RAB10: variants seen among roughly 807,000 people sequenced by gnomAD.
RAB10 encodes ras-related protein Rab-10.
Under a neutral mutation model 25.7 loss-of-function variants are expected in RAB10, and 5 were observed. The ratio of observed to expected loss-of-function variants is 0.19; its 90% CI spans 0.10 to 0.41. RAB10 has a LOEUF of 0.41. RAB10 is among the 10% of genes least tolerant of loss of function. RAB10 has a pLI of 1.00. For missense variants in RAB10, 103 were observed against 245.8 expected, an observed-to-expected ratio of 0.42 and a Z score of 3.89; for synonymous variants, 89 against 86.4, an observed-to-expected ratio of 1.03 and a Z score of -0.16.
intron 1 of RAB10, among the ~76,000 whole-genome samples, chr2:26,063,418 A>G (rs1666450709): frequency 8.6e-6 from 1 of 116,914 alleles, no homozygotes; most frequent in African/African-American, 3.1e-5. Context: ...GCTCACTCAC[A>G]TTCTTTATGT....
chr2:26,050,930 C>T (rs1261553349), intron 1 of RAB10, among the ~76,000 whole-genome samples: 2 of 151,186 alleles, frequency 1.3e-5, no homozygotes, highest in Non-Finnish European at 2.9e-5. Flanking sequence ...TTTGACTTTT[C>T]TTTTTAGAGA....
intron 4 of RAB10, 126 bp downstream of exon 4, chr2:26,127,359 G>T: frequency 1.4e-6 from 1 of 718,098 alleles, no homozygotes; most frequent in South Asian, 2.2e-5. Flanking sequence ...AATGCTTGTT[G>T]GAAATAATAT....
chr2:26,070,765 T>C (rs1666607194), intron 1 of RAB10, among the ~76,000 whole-genome samples: 1 of 152,224 alleles, frequency 6.6e-6, no homozygotes, highest in East Asian at 1.9e-4. Context: ...AAGGAGCAAA[T>C]GAATACATAA....
chr2:26,036,430 G>GA (rs1665765112), intron 1 of RAB10, among the ~76,000 whole-genome samples: 5 of 152,194 alleles, frequency 3.3e-5, no homozygotes, highest in Non-Finnish European at 5.9e-5. Context: ...GGAGGCCTTG[G>GA]CGGGCGGATC....
chr2:26,079,060 A>G (rs4665303), intron 1 of RAB10, among the ~76,000 whole-genome samples: 116,971 of 151,776 alleles, frequency 0.77, 45,117 homozygotes, highest in East Asian at 0.87. Context: ...GGTGGTGCCC[A>G]CCTGTAGTCC....
At chr2:26,065,930 G>A (rs1461320470) in intron 1 of RAB10, among the ~76,000 whole-genome samples, 1 of 152,050 alleles carries the variant, frequency 6.6e-6, no homozygotes, top group Non-Finnish European at 1.5e-5. Context: ...TTTTAGCTTA[G>A]TGGGAATATT....
chr2:26,096,795 CATTTT>C (rs1667227700), intron 1 of RAB10, among the ~76,000 whole-genome samples: 1 of 152,196 alleles, frequency 6.6e-6, no homozygotes, highest in African/African-American at 2.4e-5. Context: ...TTGATATTCT[CATTTT>C]AATTCATTTC....
At chr2:26,098,109 C>CTTTTTTTTTTTTTT (rs57174956) in intron 1 of RAB10, among the ~76,000 whole-genome samples, 4 of 52,724 alleles carry the variant, frequency 7.6e-5, no homozygotes, top group African/African-American at 3.1e-4. Flanking sequence ...TTCTTTCTTT[C>CTTTTTTTTTTTTTT]TTTTTTTTTT....
intron 1 of RAB10, among the ~76,000 whole-genome samples, chr2:26,069,043 A>G (rs1666571704): frequency 6.6e-6 from 1 of 152,180 alleles, no homozygotes; most frequent in East Asian, 1.9e-4. Context: ...TCACATATAT[A>G]TTCTTAATTT....
At chr2:26,038,413 C>A (rs1665812410) in intron 1 of RAB10, among the ~76,000 whole-genome samples, 4 of 151,730 alleles carry the variant, frequency 2.6e-5, no homozygotes, top group Admixed American at 2.6e-4. Context: ...TCAGGCTGCT[C>A]TTGAACTCCT....
At chr2:26,072,747 G>T (rs1013938583) in intron 1 of RAB10, among the ~76,000 whole-genome samples, 1 of 152,158 alleles carries the variant, frequency 6.6e-6, no homozygotes, top group Non-Finnish European at 1.5e-5. Flanking sequence ...GCAGAAGCAG[G>T]TATAATCCAA....
intron 1 of RAB10, among the ~76,000 whole-genome samples, chr2:26,070,877 T>G (rs1666610643): frequency 6.6e-6 from 1 of 152,210 alleles, no homozygotes; most frequent in Non-Finnish European, 1.5e-5. Flanking sequence ...CTAGGGAGTT[T>G]TTTTGACCAG....
chr2:26,048,726 T>C (rs180689428), intron 1 of RAB10, among the ~76,000 whole-genome samples: 5 of 152,064 alleles, frequency 3.3e-5, no homozygotes, highest in Admixed American at 3.3e-4. Context: ...AAGAAAAAAA[T>C]TAGCTGGATG....
At chr2:26,042,975 T>A (rs1332133733) in intron 1 of RAB10, among the ~76,000 whole-genome samples, 1 of 152,076 alleles carries the variant, frequency 6.6e-6, no homozygotes, top group Non-Finnish European at 1.5e-5. Context: ...GTGATGAGGT[T>A]GTAGAGAAAT....
chr2:26,079,938 A>T (rs1666832164), intron 1 of RAB10, among the ~76,000 whole-genome samples: 1 of 152,108 alleles, frequency 6.6e-6, no homozygotes, highest in Non-Finnish European at 1.5e-5. Flanking sequence ...GGGATTATAG[A>T]TGTGAGCCAC....
Position 26,127,962 on chromosome 2 carries a change from G to C in RAB10, c.519+11G>C. 1 of 1,554,240 alleles carries C rather than the reference G, an allele frequency of 6.4e-7. No individual in the cohort carries two copies. The highest frequency in any genetic ancestry group is 8.9e-7 in the Non-Finnish European group (1 of 1,125,626). On this transcript the variant is annotated intron_variant, in intron 5 of 5. Transcript: ENST00000264710. The stretch of plus-strand genomic sequence containing the variant: ...GATATCCTTCGAAAGGTAAGTTCCT[G>C]TTTTTATATCCTGCCAGGTACCTGA...
intron 1 of RAB10, among the ~76,000 whole-genome samples, chr2:26,097,231 A>G (rs1436535735): frequency 6.6e-6 from 1 of 152,080 alleles, no homozygotes; most frequent in African/African-American, 2.4e-5. Context: ...AAACAAACAA[A>G]AAACCAGAAA....
chr2:26,110,579 CTTTA>C (rs1667550366), intron 3 of RAB10, among the ~76,000 whole-genome samples: 2 of 152,170 alleles, frequency 1.3e-5, no homozygotes, highest in South Asian at 4.1e-4. Context: ...TTTTTTAAAA[CTTTA>C]TTTTTCATGT....
intron 1 of RAB10, among the ~76,000 whole-genome samples, chr2:26,082,329 G>A (rs1313743291): frequency 1.3e-5 from 2 of 151,954 alleles, no homozygotes; most frequent in East Asian, 3.9e-4. Flanking sequence ...AATATACTGG[G>A]CACATCTAAT....
Sources: allele counts gnomAD v4.1 joint callset (sites outside exome capture counted in the v4.1 genomes callset), GRCh38; gene constraint gnomAD v4.1.1; transcripts MANE v1.5; gene names NCBI Gene and HGNC (gene_info 2026-07-23, HGNC 2026-07-21).